The following CFAP99 variants were observed in gnomAD, a reference collection of about 807,000 sequenced individuals.
CFAP99 encodes cilia and flagella associated protein 99.
Under a neutral mutation model 82.7 loss-of-function variants are expected in CFAP99, and 84 were observed. The ratio of observed to expected loss-of-function variants is 1.02; its 90% CI spans 0.85 to 1.22. The LOEUF (loss-of-function observed/expected upper bound fraction) is 1.22, where lower values mean the gene tolerates loss of function less well. Ranked by LOEUF, CFAP99 falls within the 50% of genes most tolerant of loss-of-function variation. CFAP99 has a pLI of 0.00. For missense variants in CFAP99, 1,059 were observed against 983.5 expected, an observed-to-expected ratio of 1.08 and a Z score of -1.03; for synonymous variants, 456 against 429.5, an observed-to-expected ratio of 1.06 and a Z score of -0.76.
chr4:2,459,239 A>G, exon 13 of CFAP99: 1 of 1,534,956 alleles, frequency 6.5e-7, no homozygotes, highest in Non-Finnish European at 8.7e-7. Flanking sequence ...CGCAAGGGCA[A>G]GCTCGTGGAC....
intron 3 of CFAP99, 41 bp downstream of exon 3, chr4:2,437,059 G>A (rs536462227): frequency 6.4e-5 from 98 of 1,534,146 alleles, no homozygotes; most frequent in African/African-American, 4.9e-4. Flanking sequence ...CCGTAGAGAC[G>A]GTTCACTCAG....
chr4:2,440,975 T>C (rs1386960113), intron 4 of CFAP99, among the ~76,000 whole-genome samples: 1 of 151,794 alleles, frequency 6.6e-6, no homozygotes, highest in Non-Finnish European at 1.5e-5. Flanking sequence ...GGAGGATCAC[T>C]TGAGCCCAGG....
intron 4 of CFAP99, among the ~76,000 whole-genome samples, chr4:2,441,721 C>G (rs1016478689): frequency 1.2e-4 from 19 of 152,250 alleles, no homozygotes; most frequent in Non-Finnish European, 1.9e-4. Context: ...TGGGCCATGC[C>G]TATCCCATTG....
intron 11 of CFAP99, 76 bp downstream of exon 11, chr4:2,452,422 G>C: frequency 6.9e-7 from 1 of 1,453,380 alleles, no homozygotes; most frequent in Non-Finnish European, 9.3e-7. Context: ...CAGGGCCAGG[G>C]CTGGCAGTGG....
At chr4:2,426,764 A>C in intron 2 of CFAP99, 178 bp downstream of exon 2, 1 of 587,002 alleles carries the variant, frequency 1.7e-6, no homozygotes, top group Non-Finnish European at 3.1e-6. Flanking sequence ...GGCACCCAGA[A>C]TGTGTGTCAG....
rs1734221885 is a variant in CFAP99, at chr4:2,448,590, T to C, written c.643-1080T>C. Reference sequence around the variant, plus strand: ...AGGCCTCCCGAGAAATGCCATGGAGTAAAAAACCAGAAGTGAGCAAGTCGG... The same window carrying C: ...AGGCCTCCCGAGAAATGCCATGGAGCAAAAAACCAGAAGTGAGCAAGTCGG... On this transcript the variant is annotated intron_variant, in intron 6 of 14. Transcript: ENST00000635017. This position sits in a 1 kb window ranked among gnomAD's most constrained non-coding sequence, Gnocchi z 5.2. Among the ~76,000 whole-genome samples the C allele has an allele frequency of 6.6e-6, 1 of 150,820 alleles. No individual in the cohort carries two copies. The highest frequency in any genetic ancestry group is 2.1e-4 in the South Asian group (1 of 4,724).
chr4:2,458,908 C>T (rs1211985654), intron 12 of CFAP99, 44 bp downstream of exon 12: 1 of 1,508,592 alleles, frequency 6.6e-7, no homozygotes, highest in Admixed American at 2.0e-5. Context: ...CGCTCTTCCC[C>T]ACTCGGGTGC....
chr4:2,441,570 G>C (rs755882673), intron 4 of CFAP99, among the ~76,000 whole-genome samples: 3 of 152,118 alleles, frequency 2.0e-5, no homozygotes, highest in Non-Finnish European at 2.9e-5. Flanking sequence ...TTGGGGACAG[G>C]GTGGTGCCCC....
At chr4:2,451,710 G>A (rs1047567741) in intron 10 of CFAP99, among the ~76,000 whole-genome samples, 2 of 128,438 alleles carry the variant, frequency 1.6e-5, no homozygotes, top group Non-Finnish European at 3.3e-5. Flanking sequence ...CGGTGTGGTC[G>A]TGTCTTTCCT....
chr4:2,442,104 G>A (rs1247659022), intron 4 of CFAP99, among the ~76,000 whole-genome samples: 2 of 152,202 alleles, frequency 1.3e-5, no homozygotes, highest in African/African-American at 2.4e-5. Context: ...ATACAGGGCT[G>A]TGTCCTGGTG....
chr4:2,459,734 GGGAGTGCAAACGGCTGTCTGCCCCA>G (rs1008949717), intron 13 of CFAP99, among the ~76,000 whole-genome samples: 1 of 152,238 alleles, frequency 6.6e-6, no homozygotes, highest in Non-Finnish European at 1.5e-5. Flanking sequence ...CGAGGCCATG[GGGAGTGCAAACGGCTGTCTGCCCCA>G]GGCCCCGAAG....
At chr4:2,454,572 GTTTT>G (rs1314074505) in intron 11 of CFAP99, among the ~76,000 whole-genome samples, 2 of 80,088 alleles carry the variant, frequency 2.5e-5, no homozygotes, top group Admixed American at 1.1e-4. Context: ...TTTTTTTGTT[GTTTT>G]TTTTCTTTTT....
chr4:2,460,227 G>A (rs1183282494), exon 14 of CFAP99: 2 of 1,536,144 alleles, frequency 1.3e-6, no homozygotes, highest in South Asian at 2.4e-5. Flanking sequence ...GCCATGGGGA[G>A]ATCCGCAGCC....
At chr4:2,424,986 G>GTTCCCTGA (rs1188550578) in intron 1 of CFAP99, among the ~76,000 whole-genome samples, 1 of 152,128 alleles carries the variant, frequency 6.6e-6, no homozygotes, top group Non-Finnish European at 1.5e-5. Context: ...TTCAGGAATC[G>GTTCCCTGA]TTCCCTGATT....
intron 1 of CFAP99, among the ~76,000 whole-genome samples, chr4:2,419,658 G>A (rs1282289216): frequency 1.3e-5 from 2 of 152,094 alleles, no homozygotes; most frequent in Admixed American, 6.5e-5. Flanking sequence ...GTCCTCACTG[G>A]CCAGTGCCAG....
rs182045513 is a variant in CFAP99 at position 2,423,479 on chromosome 4, C to T, written c.-17-2980C>T. Among the ~76,000 whole-genome samples, 264 of 152,344 alleles carry T rather than the reference C, an allele frequency of 1.7e-3. 2 individuals are homozygous for T. Among genetic ancestry groups the T allele is most frequent in the African/African-American group, 6.0e-3 (250 of 41,584 alleles). ...CTGCTCACAGCTGTTGAAATCCCCA[C>T]GCCAGAGACTCAGCTAGAGGGGATC... On this transcript the variant is annotated intron_variant, in intron 1 of 14. Transcript: ENST00000635017.
chr4:2,442,908 G>A (rs144928365), intron 4 of CFAP99, among the ~76,000 whole-genome samples: 2,578 of 140,502 alleles, frequency 0.018, 52 homozygotes, highest in Middle Eastern at 0.096. Context: ...GGCCTTGGGG[G>A]CAGGGAGCTC....
At chr4:2,436,734 G>C in intron 2 of CFAP99, 140 bp from the exon 3 acceptor site, 2 of 643,480 alleles carry the variant, frequency 3.1e-6, no homozygotes, top group Non-Finnish European at 5.4e-6. Flanking sequence ...GGCACTGCCA[G>C]CTGCCTTGGG....
intron 1 of CFAP99, among the ~76,000 whole-genome samples, chr4:2,422,652 G>T (rs1270831918): frequency 6.6e-6 from 1 of 152,126 alleles, no homozygotes; most frequent in African/African-American, 2.4e-5. Flanking sequence ...CCCTTTTCCT[G>T]GGTGTATACC....
Sources: allele counts gnomAD v4.1 joint callset (sites outside exome capture counted in the v4.1 genomes callset), GRCh38; gene constraint gnomAD v4.1.1; non-coding constraint Gnocchi (gnomAD v3.1); transcripts MANE v1.5; gene names NCBI Gene and HGNC (gene_info 2026-07-23, HGNC 2026-07-21).